PARPBP: variants seen among roughly 807,000 people sequenced by gnomAD.
PARPBP encodes PARP1 binding protein, also known as PCNA-interacting partner.
In PARPBP, 52 loss-of-function variants were observed where a neutral mutation model predicts 50.0. The ratio of observed to expected loss-of-function variants is 1.04; its 90% CI spans 0.83 to 1.31. The LOEUF is 1.31. Ranked by LOEUF, PARPBP falls within the 50% of genes most tolerant of loss-of-function variation. The pLI is 0.00. For missense variants in PARPBP, 697 were observed against 672.0 expected, an observed-to-expected ratio of 1.04 and a Z score of -0.41; for synonymous variants, 244 against 232.1, an observed-to-expected ratio of 1.05 and a Z score of -0.47.
chr12:102,150,228 C>G (rs1886003152), intron 3 of PARPBP: 3 of 454,834 alleles, frequency 6.6e-6, no homozygotes, highest in Non-Finnish European at 1.3e-5. Flanking sequence ...CGTGGAAGAT[C>G]AACAACTTAA....
intron 4 of PARPBP, chr12:102,154,807 C>G (rs560188256): frequency 8.8e-6 from 4 of 453,820 alleles, no homozygotes; most frequent in Middle Eastern, 3.3e-4. Context: ...TATCAATTAA[C>G]TAAATCTTTC....
chr12:102,159,362 C>T (rs780847032), intron 4 of PARPBP, among the ~76,000 whole-genome samples: 7 of 152,158 alleles, frequency 4.6e-5, no homozygotes, highest in Admixed American at 2.0e-4. Flanking sequence ...CTCCTGATCT[C>T]GTGATCCACC....
intron 2 of PARPBP, among the ~76,000 whole-genome samples, chr12:102,128,728 T>C (rs1042888514): frequency 2.0e-5 from 3 of 152,204 alleles, no homozygotes; most frequent in Non-Finnish European, 4.4e-5. Context: ...ATTCATCCAT[T>C]GATGGATACT....
intron 5 of PARPBP, 62 bp from the exon 6 acceptor site, chr12:102,165,667 T>C: frequency 7.9e-7 from 1 of 1,261,786 alleles, no homozygotes; most frequent in South Asian, 1.3e-5. Flanking sequence ...CTTAGCTTTA[T>C]GAAGTAAATT....
intron 4 of PARPBP, among the ~76,000 whole-genome samples, chr12:102,162,274 T>A (rs115640757): frequency 0.028 from 4,305 of 152,302 alleles, 178 homozygotes; most frequent in African/African-American, 0.086. Flanking sequence ...GGAAATATTT[T>A]CTTAGCATTT....
intron 6 of PARPBP, among the ~76,000 whole-genome samples, chr12:102,170,042 G>A (rs1057266881): frequency 6.6e-6 from 1 of 152,164 alleles, no homozygotes; most frequent in Non-Finnish European, 1.5e-5. Context: ...AACACTCATC[G>A]CCCCACTGCC....
chr12:102,181,223 T>C (rs978979900), intron 8 of PARPBP, among the ~76,000 whole-genome samples: 1 of 152,208 alleles, frequency 6.6e-6, no homozygotes, highest in Non-Finnish European at 1.5e-5. Context: ...ATATCTTGTA[T>C]AGTGCCTTAC....
chr12:102,171,763 G>T (rs1002231988), intron 6 of PARPBP, among the ~76,000 whole-genome samples: 1 of 152,068 alleles, frequency 6.6e-6, no homozygotes, highest in East Asian at 1.9e-4. Context: ...CAGCTACTCG[G>T]GAGGCTGAGG....
At chr12:102,144,998 C>A (rs1250930822) in intron 2 of PARPBP, among the ~76,000 whole-genome samples, 1 of 152,018 alleles carries the variant, frequency 6.6e-6, no homozygotes, top group African/African-American at 2.4e-5. Context: ...GGCCCCTGCA[C>A]TAAGGACAAT....
At chr12:102,191,055 G>A (rs575052089) in intron 9 of PARPBP, among the ~76,000 whole-genome samples, 2 of 152,220 alleles carry the variant, frequency 1.3e-5, no homozygotes, top group African/African-American at 4.8e-5. Context: ...ATGGGATCAG[G>A]ATTTATTGAG....
intron 6 of PARPBP, among the ~76,000 whole-genome samples, chr12:102,170,350 C>A (rs1032045355): frequency 6.6e-6 from 1 of 152,236 alleles, no homozygotes; most frequent in African/African-American, 2.4e-5. Context: ...ATAGACTGTA[C>A]ATACACAAAC....
intron 8 of PARPBP, among the ~76,000 whole-genome samples, chr12:102,179,728 G>T (rs1181083357): frequency 1.3e-5 from 2 of 151,470 alleles, no homozygotes; most frequent in Non-Finnish European, 3.0e-5. Flanking sequence ...TATATATATG[G>T]GTGATGCAGT....
chr12:102,149,699 G>A (rs953212011), intron 3 of PARPBP, among the ~76,000 whole-genome samples: 4 of 152,200 alleles, frequency 2.6e-5, no homozygotes, highest in African/African-American at 7.2e-5. Context: ...AAGAAAGGGA[G>A]AATGGATATT....
intron 6 of PARPBP, among the ~76,000 whole-genome samples, chr12:102,170,358 A>T (rs1292611541): frequency 6.6e-6 from 1 of 152,212 alleles, no homozygotes; most frequent in Non-Finnish European, 1.5e-5. Context: ...TACATACACA[A>T]ACCTGGATGG....
chr12:102,138,691 C>T (rs1216307718), intron 2 of PARPBP, among the ~76,000 whole-genome samples: 1 of 152,154 alleles, frequency 6.6e-6, no homozygotes, highest in South Asian at 2.1e-4. Flanking sequence ...GATCCAGTTT[C>T]AGCTTTCTAC....
At chr12:102,147,303 C>T (rs1490238618) in intron 2 of PARPBP, among the ~76,000 whole-genome samples, 1 of 152,106 alleles carries the variant, frequency 6.6e-6, no homozygotes, top group African/African-American at 2.4e-5. Flanking sequence ...ATAGCAAAGA[C>T]TTGGAACCAA....
chr12:102,148,684 C>G (rs186590979), intron 3 of PARPBP: 622 of 377,326 alleles, frequency 1.6e-3, no homozygotes, highest in Middle Eastern at 2.7e-3. Context: ...AGTTGCTATA[C>G]GGATAGCTTC....
chr12:102,133,330 T>G (rs1044858781), intron 2 of PARPBP, among the ~76,000 whole-genome samples: 6 of 152,288 alleles, frequency 3.9e-5, no homozygotes, highest in South Asian at 4.1e-4. Flanking sequence ...TTATATCTAA[T>G]GTGTTGACAA....
At chr12:102,145,822 G>A (rs1885267794) in intron 2 of PARPBP, among the ~76,000 whole-genome samples, 1 of 152,190 alleles carries the variant, frequency 6.6e-6, no homozygotes, top group African/African-American at 2.4e-5. Context: ...ACAGTTTCAT[G>A]TGTCCATGAG....
Sources: gnomAD v4.1 joint callset for allele counts (sites outside exome capture counted in the v4.1 genomes callset) on GRCh38, gnomAD v4.1.1 for gene constraint, MANE v1.5 for transcripts, NCBI Gene and HGNC (gene_info 2026-07-23, HGNC 2026-07-21) for gene names.